KCND3: variants seen among roughly 807,000 people sequenced by gnomAD.
The protein encoded by KCND3 is potassium voltage-gated channel subfamily D member 3, also known as A-type voltage-gated potassium channel KCND3.
Under a neutral mutation model 51.1 loss-of-function variants are expected in KCND3, and 9 were observed. The observed-to-expected ratio is 0.18, with a 90% CI of 0.11 to 0.31. KCND3 has a LOEUF of 0.31. Among genes scored for constraint, KCND3 ranks in the 10% least tolerant of loss-of-function variants. KCND3 has a pLI of 1.00. For synonymous variants in KCND3, 349 were observed against 368.0 expected (o/e 0.95, Z 0.59); for missense variants, 526 against 903.8 (o/e 0.58, Z 5.36).
In KCND3 at chr1:111,777,280, G is replaced by A. The variant is rs751989149; in HGVS notation, c.1519-7C>T. On this transcript the variant is annotated splice_region_variant and splice_polypyrimidine_tract_variant and intron_variant, in intron 6 of 7. Transcript: ENST00000302127. ...CATCAATAAACTCGTGGTTCTGCGG[G>A]AGGCAGAAGGAGAAGAAGTAGGAAA... is the stretch of plus-strand genomic sequence containing the variant. 3.7e-6 allele frequency: 6 copies of A among 1,613,976 alleles called. No individual in the cohort carries two copies. The highest frequency in any genetic ancestry group is 1.3e-5 in the African/African-American group (1 of 74,914).
intron 2 of KCND3, among the ~76,000 whole-genome samples, chr1:111,810,819 G>A (rs1665814337): frequency 6.6e-6 from 1 of 152,174 alleles, no homozygotes; most frequent in African/African-American, 2.4e-5. Context: ...AGTCTGTCTG[G>A]GTTTTTTATG....
intron 2 of KCND3, among the ~76,000 whole-genome samples, chr1:111,926,803 A>G (rs1052547634): frequency 2.0e-5 from 3 of 152,236 alleles, no homozygotes; most frequent in African/African-American, 7.2e-5. Flanking sequence ...CGCGCACCTC[A>G]CTGCTAGATC....
intron 2 of KCND3, among the ~76,000 whole-genome samples, chr1:111,932,549 C>T (rs898210228): frequency 2.3e-4 from 35 of 152,342 alleles, no homozygotes; most frequent in Non-Finnish European, 4.9e-4. Flanking sequence ...GCACTCAGCT[C>T]CTGGCAGCCA....
chr1:111,969,492 TC>T (rs1674205972), intron 2 of KCND3, among the ~76,000 whole-genome samples: 1 of 152,224 alleles, frequency 6.6e-6, no homozygotes, highest in Non-Finnish European at 1.5e-5. Context: ...CCAGTCTGAA[TC>T]CCAAATTCTC....
chr1:111,918,466 AG>A (rs1671327252), intron 2 of KCND3, among the ~76,000 whole-genome samples: 1 of 152,168 alleles, frequency 6.6e-6, no homozygotes, highest in Non-Finnish European at 1.5e-5. Flanking sequence ...CTAGAGAGAC[AG>A]AGATGAAAAG....
At chr1:111,916,465 TAAAC>T (rs1307195519) in intron 2 of KCND3, among the ~76,000 whole-genome samples, 1 of 151,986 alleles carries the variant, frequency 6.6e-6, no homozygotes, top group Non-Finnish European at 1.5e-5. Flanking sequence ...TACTGGAAAA[TAAAC>T]AAGTCTCAAA....
chr1:111,887,370 G>C (rs1669616943), intron 2 of KCND3, among the ~76,000 whole-genome samples: 1 of 152,164 alleles, frequency 6.6e-6, no homozygotes, highest in African/African-American at 2.4e-5. Context: ...ACAGAAGGGG[G>C]AGAACCACAA....
At chr1:111,968,413 T>C (rs1194348214) in intron 2 of KCND3, among the ~76,000 whole-genome samples, 1 of 152,140 alleles carries the variant, frequency 6.6e-6, no homozygotes, top group Non-Finnish European at 1.5e-5. Flanking sequence ...TCTTCATCTA[T>C]CTTGTGCAAA....
At chr1:111,826,613 G>A (rs978503170) in intron 2 of KCND3, among the ~76,000 whole-genome samples, 6 of 152,124 alleles carry the variant, frequency 3.9e-5, no homozygotes, top group Non-Finnish European at 5.9e-5. Flanking sequence ...GGGTCAAGAG[G>A]TCACTCACAG....
intron 2 of KCND3, among the ~76,000 whole-genome samples, chr1:111,892,790 G>C (rs17028982): frequency 0.08 from 12,173 of 152,312 alleles, 536 homozygotes; most frequent in East Asian, 0.18. Flanking sequence ...AGCTGAGACT[G>C]AATGATAACT....
At position 111,845,550 on chromosome 1, in the gene KCND3, G is replaced by A. The variant is rs186206203; in HGVS notation, c.1107-58444C>T. 2.8e-3 allele frequency among the ~76,000 whole-genome samples: 423 copies of A among 152,148 alleles called. 2 individuals carry two copies. Among genetic ancestry groups the A allele is most frequent in the Non-Finnish European group, 5.0e-3 (342 of 68,000 alleles). ...ACCCTCCCGCCCCCAATACCCCAGGGTCTCCTCCTGTTCTCAAGATTCCCT... is the reference window on the plus strand; with the variant it reads ...ACCCTCCCGCCCCCAATACCCCAGGATCTCCTCCTGTTCTCAAGATTCCCT... On this transcript the variant is annotated intron_variant, in intron 2 of 7. Transcript: ENST00000302127.
At chr1:111,972,415 G>A (rs1057340727) in intron 2 of KCND3, among the ~76,000 whole-genome samples, 9 of 152,000 alleles carry the variant, frequency 5.9e-5, no homozygotes, top group South Asian at 2.1e-4. Context: ...CTCGTGATCC[G>A]CCCGCCTCGG....
chr1:111,975,828 T>G (rs547801317), intron 2 of KCND3, among the ~76,000 whole-genome samples: 2 of 152,272 alleles, frequency 1.3e-5, no homozygotes, highest in South Asian at 4.2e-4. Context: ...CTCCTGCCTG[T>G]TGGACTTTGC....
intron 2 of KCND3, among the ~76,000 whole-genome samples, chr1:111,913,565 C>T (rs989674978): frequency 6.6e-6 from 1 of 152,166 alleles, no homozygotes; most frequent in South Asian, 2.1e-4. Context: ...TAAAGGAATA[C>T]AAAAAGAAAA....
intron 2 of KCND3, among the ~76,000 whole-genome samples, chr1:111,891,680 C>G (rs900279458): frequency 6.6e-6 from 1 of 152,180 alleles, no homozygotes; most frequent in African/African-American, 2.4e-5. Context: ...TGTTGTCTGT[C>G]CCACAACTAG....
At position 111,981,681 on chromosome 1, in the gene KCND3, C is replaced by T; in HGVS notation, c.1046G>A (p.Ser349Asn). The change falls in exon 2 of 8, where the codon AGC becomes AAC. Residue 349 changes from serine to asparagine, a missense_variant. By Grantham distance (46) the Ser-to-Asn change is conservative (BLOSUM62 1). This residue lies in a region of KCND3 where 48 missense variants were observed against 228.5 expected (regional missense o/e 0.21). Coordinates refer to ENST00000302127, the MANE Select transcript of KCND3 (RefSeq NM_001378969.1). The surrounding 1 kb of genome is among the most constrained non-coding windows in gnomAD (Gnocchi z 6.2). ...MFYAEKGSSA[S>N]KFTSIPASFW... ...CGAGGCAGGGATGCTTGTGAACTTG[C>T]TGGCCGAGGAGCCCTTCTCGGCATA... The T allele has an allele frequency of 6.2e-7, 1 of 1,614,148 alleles. No homozygotes were observed.
intron 2 of KCND3, among the ~76,000 whole-genome samples, chr1:111,820,467 C>A (rs1009967759): frequency 6.6e-6 from 1 of 152,160 alleles, no homozygotes; most frequent in Admixed American, 6.5e-5. Context: ...TGCCAACATG[C>A]GCCTGTTGCC....
Position 111,773,382 on chromosome 1 carries a change from G to A in KCND3, c.*2695C>T, listed in dbSNP as rs943894430. The A allele has an allele frequency of 6.7e-6, 1 of 148,624 alleles. No individual in the cohort carries two copies. Among genetic ancestry groups the A allele is most frequent in the Admixed American group, 6.7e-5 (1 of 14,948 alleles). 9.2% of individuals were successfully genotyped at this position (148,624 alleles called of 1,614,324 possible). On this transcript the variant is annotated 3_prime_UTR_variant, in exon 8 of 8. Coordinates refer to ENST00000302127, the MANE Select transcript of KCND3 (RefSeq NM_001378969.1). ...AATTCATCACAGGAAGTTTGTATGT[G>A]TGTGCAACCAGTTCTAATTTACCTC...
intron 2 of KCND3, among the ~76,000 whole-genome samples, chr1:111,872,273 G>C (rs1266824080): frequency 6.6e-6 from 1 of 152,198 alleles, no homozygotes; most frequent in East Asian, 1.9e-4. Context: ...CCTTAGTCCT[G>C]CAAGAAGCAG....
Sources: allele counts gnomAD v4.1 joint callset (sites outside exome capture counted in the v4.1 genomes callset), GRCh38; gene constraint gnomAD v4.1.1; regional missense constraint gnomAD v4.1.1; non-coding constraint Gnocchi (gnomAD v3.1); transcripts MANE v1.5; gene names NCBI Gene and HGNC (gene_info 2026-07-23, HGNC 2026-07-21).